The following ERCC1 variants were observed in gnomAD, a reference collection of about 807,000 sequenced individuals.
ERCC1 encodes DNA excision repair protein ERCC-1.
A neutral mutation model predicts 37.6 loss-of-function variants in ERCC1; 36 were observed. The ratio of observed to expected loss-of-function variants is 0.96; its 90% CI spans 0.73 to 1.26. The LOEUF (loss-of-function observed/expected upper bound fraction) is 1.26. Among genes scored for constraint, ERCC1 ranks in the 50% most tolerant of loss-of-function variants. ERCC1 has a pLI of 0.00. For synonymous variants in ERCC1, 156 were observed against 162.1 expected, an observed-to-expected ratio of 0.96 and a Z score of 0.28; for missense variants, 349 against 376.5, an observed-to-expected ratio of 0.93 and a Z score of 0.60.
upstream of ERCC1, among the ~76,000 whole-genome samples, chr19:45,428,728 G>T (rs996109174): frequency 1.2e-4 from 19 of 152,178 alleles, no homozygotes; most frequent in African/African-American, 4.6e-4. Flanking sequence ...CAGCCCGGCC[G>T]AAGGCTCTGG....
chr19:45,409,609 A>T lies in ERCC1; in HGVS notation c.*66T>A. 6.3e-7 allele frequency: 1 copy of T among 1,576,870 alleles called. No homozygotes were observed. The highest frequency in any genetic ancestry group is 1.1e-5 in the South Asian group (1 of 87,934). ...CCCCAGAGACTGCACCAGCGCAGCC[A>T]GCAGGAGCCTGGCCTGGGAGGACGA... is the stretch of plus-strand genomic sequence containing the variant. On this transcript the variant is annotated 3_prime_UTR_variant, in exon 10 of 10. Transcript: ENST00000300853.
chr19:45,434,138 T>TCA lies in ERCC1; in HGVS notation c.-7-10759_-7-10758dup, dbSNP rs529916289. On this transcript the variant is annotated intron_variant, in intron 1 of 8. Transcript: ENST00000423698. The stretch of plus-strand genomic sequence containing the variant: ...CAGCCTGGCCAACAGCAAGAATGTC[T>TCA]CACACACACACACACACAAAAAAAA... Among the ~76,000 whole-genome samples the TCA allele has an allele frequency of 6.7e-4, 67 of 100,570 alleles. 3 individuals are homozygous for TCA. Among genetic ancestry groups the TCA allele is most frequent in the Middle Eastern group, 9.7e-3 (2 of 206 alleles). The allele number at this position is 100,570 out of a possible 152,430, so 66.0% of individuals were successfully genotyped here.
At position 45,408,252 on chromosome 19, in the gene ERCC1, T is replaced by C; in HGVS notation, c.*1423A>G. ...CCCCAAGCTGGAGAAGCGACCCTGC[T>C]GGCCCCCTCAACGGAGGCAGGAGGT... On this transcript the variant is annotated 3_prime_UTR_variant, in exon 10 of 10. Transcript: ENST00000300853. 2 of 1,614,112 alleles carry C rather than the reference T, an allele frequency of 1.2e-6. No individual in the cohort carries two copies. Among genetic ancestry groups the C allele is most frequent in the Non-Finnish European group, 8.5e-7 (1 of 1,180,006 alleles).
chr19:45,431,759 C>T (rs1006156408), intron 1 of ERCC1, among the ~76,000 whole-genome samples: 1 of 150,876 alleles, frequency 6.6e-6, no homozygotes, highest in South Asian at 2.1e-4. Flanking sequence ...TGCTTGGTGG[C>T]GCGTGCCTAC....
chr19:45,430,298 C>T (rs866233922), intron 1 of ERCC1, among the ~76,000 whole-genome samples: 12 of 152,192 alleles, frequency 7.9e-5, no homozygotes, highest in African/African-American at 2.4e-4. Context: ...GCTCTGTGAC[C>T]GGCACGCATG....
chr19:45,414,582 G>A, intron 7 of ERCC1: 1 of 455,568 alleles, frequency 2.2e-6, no homozygotes. Flanking sequence ...GTGAAGTGGA[G>A]GCCACGGGGC....
At chr19:45,413,806 G>T in intron 8 of ERCC1, 61 bp from the exon 9 acceptor site, 1 of 1,608,858 alleles carries the variant, frequency 6.2e-7, no homozygotes, top group Non-Finnish European at 8.5e-7. Context: ...TGTCCCAGCT[G>T]AGGAGGGGCC....
chr19:45,447,270 C>CTTTTTTTTT (rs57063523), intron 1 of ERCC1, among the ~76,000 whole-genome samples: 1 of 102,752 alleles, frequency 9.7e-6, no homozygotes, highest in Non-Finnish European at 1.8e-5. Context: ...AGATTTGCTT[C>CTTTTTTTTT]TTTTTTTTTT....
intron 5 of ERCC1, among the ~76,000 whole-genome samples, chr19:45,418,000 G>A (rs1328033499): frequency 2.6e-5 from 4 of 152,028 alleles, no homozygotes; most frequent in Non-Finnish European, 5.9e-5. Flanking sequence ...CCCAATGGAA[G>A]AGGAATGCTT....
At chr19:45,422,772 T>C (rs994728364) in intron 2 of ERCC1, among the ~76,000 whole-genome samples, 3 of 151,720 alleles carry the variant, frequency 2.0e-5, no homozygotes, top group Non-Finnish European at 4.4e-5. Context: ...AATAAATAAA[T>C]AAATAAATAA....
In ERCC1 at chr19:45,409,341, G is replaced by A. The variant is rs201278532; in HGVS notation, c.*334C>T. 1 of 1,614,064 alleles carries A rather than the reference G, an allele frequency of 6.2e-7. No individual in the cohort carries two copies. Among genetic ancestry groups the A allele is most frequent in the Admixed American group, 1.7e-5 (1 of 60,010 alleles). ...CAGCCTGAAGCCAGGGCAACTCCGG[G>A]ATCCACCAAGAAGAGGAAGAAGCAG... is the stretch of plus-strand genomic sequence containing the variant. On this transcript the variant is annotated 3_prime_UTR_variant, in exon 10 of 10. Transcript: ENST00000300853.
rs555113579 is a variant in ERCC1 at position 45,435,802 on chromosome 19, C to A, written c.-7-12421G>T. On this transcript the variant is annotated intron_variant, in intron 1 of 8. Transcript: ENST00000423698. ...TTTAGATGGAGTCTCACTCTGTCAC[C>A]CAGGGTGGAGAGCAGTGGCGCAATC... 3.9e-5 allele frequency among the ~76,000 whole-genome samples: 6 copies of A among 152,214 alleles called. No individual in the cohort carries two copies. In the South Asian group the frequency reaches 1.2e-3, roughly 32 times the overall value.
At chr19:45,419,285 C>A in intron 4 of ERCC1, 88 bp from the exon 5 acceptor site, 1 of 931,186 alleles carries the variant, frequency 1.1e-6, no homozygotes. Context: ...ATACTAAGGG[C>A]TCAGAGTACG....
chr19:45,409,889 A>ATTTTTTTTTTTTT (rs1184782156), intron 9 of ERCC1, 164 bp from the exon 10 acceptor site: 4 of 237,318 alleles, frequency 1.7e-5, no homozygotes, highest in Non-Finnish European at 2.7e-5. Flanking sequence ...TATTATTATT[A>ATTTTTTTTTTTTT]TTATTATTTT....
At chr19:45,442,787 A>G (rs1312479277) in intron 1 of ERCC1, among the ~76,000 whole-genome samples, 1 of 152,142 alleles carries the variant, frequency 6.6e-6, no homozygotes, top group Non-Finnish European at 1.5e-5. Context: ...GAACCTTCTG[A>G]TGGAGGGCTT....
chr19:45,424,090 C>A (rs1470405797), upstream of ERCC1: 8 of 1,038,638 alleles, frequency 7.7e-6, no homozygotes, highest in African/African-American at 1.3e-4. Context: ...TTCTGTGTGC[C>A]CAGAATCCTG....
Position 45,407,995 on chromosome 19 carries a change from A to C in ERCC1, c.*1680T>G, listed in dbSNP as rs183074620. The C allele has an allele frequency of 2.5e-5, 28 of 1,126,306 alleles. No homozygotes were observed. In the Admixed American group the frequency reaches 3.2e-4, roughly 13 times the overall value. The allele number at this position is 1,126,306 out of a possible 1,614,324, so 69.8% of individuals were successfully genotyped here. ...CTTGAACCCAGGAGGTGGACATTGCAGTGAGCCGAGATCATGCCACTGCAC... is the reference window on the plus strand; with the variant it reads ...CTTGAACCCAGGAGGTGGACATTGCCGTGAGCCGAGATCATGCCACTGCAC... On this transcript the variant is annotated 3_prime_UTR_variant, in exon 10 of 10. Coordinates refer to ENST00000300853, the MANE Select transcript of ERCC1 (RefSeq NM_001983.4).
chr19:45,416,688 A>T lies in ERCC1; in HGVS notation c.602+133T>A, dbSNP rs79203356. The T allele has an allele frequency of 1.2e-3, 858 of 689,838 alleles. 14 individuals are homozygous for T. The East Asian group carries it at 0.022, about 18-fold the overall frequency. The allele number at this position is 689,838 out of a possible 1,614,324, so 42.7% of individuals were successfully genotyped here. ...CCTTGTTTTACAGATGAGGAAACTG[A>T]AGGCCAGAGAGAGGCAGTGCCTGCA... On this transcript the variant is annotated intron_variant, in intron 6 of 9. Transcript: ENST00000300853.
chr19:45,451,543 T>G (rs1465488968), intron 1 of ERCC1, among the ~76,000 whole-genome samples: 1 of 152,142 alleles, frequency 6.6e-6, no homozygotes, highest in Non-Finnish European at 1.5e-5. Context: ...TCCGGGAAGC[T>G]GTCCACAGCT....
Sources: gnomAD v4.1 joint callset for allele counts (sites outside exome capture counted in the v4.1 genomes callset) on GRCh38, gnomAD v4.1.1 for gene constraint, MANE v1.5 for transcripts, NCBI Gene and HGNC (gene_info 2026-07-23, HGNC 2026-07-21) for gene names.